Variants in RNF213 observed in about 807,000 individuals in gnomAD.
RNF213 encodes the protein ring finger protein 213.
In RNF213, 341 loss-of-function variants were observed where a neutral mutation model predicts 514.4. The ratio of observed to expected loss-of-function variants is 0.66; its 90% CI spans 0.61 to 0.73. RNF213 has a LOEUF of 0.73. RNF213 is among the 30% of genes least tolerant of loss of function. RNF213 has a pLI of 0.00. For missense variants in RNF213, 5,767 were observed against 6,615.6 expected, an observed-to-expected ratio of 0.87 and a Z score of 4.45; for synonymous variants, 2,655 against 2,658.2, an observed-to-expected ratio of 1.00 and a Z score of 0.04.
intron 2 of RNF213, among the ~76,000 whole-genome samples, chr17:80,270,533 T>G (rs1242100075): frequency 2.0e-5 from 3 of 152,210 alleles, no homozygotes; most frequent in African/African-American, 7.2e-5. Context: ...GAATGATGGA[T>G]CTTGTCAATC....
rs574558485 is a variant in RNF213 at position 80,384,956 on chromosome 17, C to T, written c.14323-83C>T. ...CAGATTAAGCTACAAATACAAGTCTCGCAGCCAGTCTCAAAGTCTGTAACC... is the reference window on the plus strand; with the variant it reads ...CAGATTAAGCTACAAATACAAGTCTTGCAGCCAGTCTCAAAGTCTGTAACC... On this transcript the variant is annotated intron_variant, in intron 59 of 67. Coordinates refer to ENST00000582970, the MANE Select transcript of RNF213 (RefSeq NM_001256071.3). The T allele has an allele frequency of 4.5e-5, 63 of 1,404,432 alleles. 1 individual carries two copies. In the South Asian group the frequency reaches 5.9e-4, roughly 13 times the overall value. 87.0% of individuals were successfully genotyped at this position (1,404,432 alleles called of 1,614,324 possible). A position where few individuals can be genotyped will look rare whatever the true frequency, so the allele number is the denominator to read the frequency against.
chr17:80,294,840 C>T lies in RNF213; in HGVS notation c.1592C>T (p.Ala531Val), dbSNP rs376343207. 3.6e-5 allele frequency: 58 copies of T among 1,614,104 alleles called. No homozygotes were observed. The highest frequency in any genetic ancestry group is 1.6e-4 in the Middle Eastern group (1 of 6,084). ...GTGAAGGGGAAGCAGATTGCCGCTGCGCTCATGCTGGACAGCACCTTCAGC... is the reference window on the plus strand; with the variant it reads ...GTGAAGGGGAAGCAGATTGCCGCTGTGCTCATGCTGGACAGCACCTTCAGC... Reference protein sequence around the residue: ...DLVKGKQIAAALMLDSTFSIL... With the variant: ...DLVKGKQIAAVLMLDSTFSIL... The change falls in exon 9 of 68, where the codon GCG becomes GTG. Residue 531 changes from alanine to valine, a missense_variant. By Grantham distance (64) the Ala-to-Val change is moderately conservative. This residue lies in a region of RNF213 where 592 missense variants were observed against 673.9 expected (regional missense o/e 0.88). Coordinates refer to ENST00000582970, the MANE Select transcript of RNF213 (RefSeq NM_001256071.3).
In RNF213 at chr17:80,260,894, G is replaced by T. The variant is rs2043389038; in HGVS notation, c.-117G>T. The T allele has an allele frequency of 6.6e-6, 1 of 151,202 alleles. No individual in the cohort carries two copies. Among genetic ancestry groups the T allele is most frequent in the African/African-American group, 2.4e-5 (1 of 41,230 alleles). The allele number at this position is 151,202 out of a possible 1,614,324, so 9.4% of individuals were successfully genotyped here. On this transcript the variant is annotated 5_prime_UTR_variant, in exon 1 of 68. Coordinates refer to ENST00000582970, the MANE Select transcript of RNF213 (RefSeq NM_001256071.3). ...AGCGCGCGGCAGGCGGCGAGCTCGG[G>T]GGCCGCAGGTGCGAGCGGGCCTGGA...
intron 11 of RNF213, 152 bp downstream of exon 11, chr17:80,298,670 A>G: frequency 1.2e-6 from 1 of 854,168 alleles, no homozygotes; most frequent in South Asian, 1.5e-5. Context: ...AGACATCAAA[A>G]CTGTCAAGAA....
Position 80,328,340 on chromosome 17 carries a change from T to A in RNF213, c.3380T>A (p.Leu1127His). 1 of 1,535,720 alleles carries A rather than the reference T, an allele frequency of 6.5e-7. No homozygotes were observed. The highest frequency in any genetic ancestry group is 8.7e-7 in the Non-Finnish European group (1 of 1,146,202). Residue 1127 changes from leucine (L) to histidine (H), a missense_variant, in exon 20 of 68, where the codon CTT becomes CAT. Coordinates refer to ENST00000582970, the MANE Select transcript of RNF213 (RefSeq NM_001256071.3). ...TCTTATTTTCCAGGGGAAAAAAGTC[T>A]TTCACCCCAGGATGAACAATGTGCT... ...LDIWQLREKS[L>H]SPQDEQCAVE...
At chr17:80,364,040 C>T (rs1011218465) in intron 41 of RNF213, among the ~76,000 whole-genome samples, 1 of 152,208 alleles carries the variant, frequency 6.6e-6, no homozygotes, top group Non-Finnish European at 1.5e-5. Flanking sequence ...GAAAGGCAGA[C>T]GGGCTATTGT....
At chr17:80,287,363 C>T (rs570283890) in intron 3 of RNF213, among the ~76,000 whole-genome samples, 15 of 152,286 alleles carry the variant, frequency 9.8e-5, no homozygotes, top group Admixed American at 3.3e-4. Flanking sequence ...ATTAGCTGGG[C>T]GTAGTGATGC....
chr17:80,358,291 C>A lies in RNF213; in HGVS notation c.10866C>A (p.His3622Gln), dbSNP rs373900457. 6.2e-7 allele frequency: 1 copy of A among 1,613,720 alleles called. No individual in the cohort carries two copies. The highest frequency in any genetic ancestry group is 8.5e-7 in the Non-Finnish European group (1 of 1,179,860). Reference sequence around the variant, plus strand: ...CCATCTCTCTTCTGTGCTGCAGGCACACCCTCTGGAAGCGGGTCCAAGGTG... The same window carrying A: ...CCATCTCTCTTCTGTGCTGCAGGCAAACCCTCTGGAAGCGGGTCCAAGGTG... ...DALQEAGTFR[H>Q]TLWKRVQGAV... is the part of the protein sequence containing the mutation. The change falls in exon 37 of 68, where the codon CAC (histidine) becomes CAA (glutamine). Residue 3622 changes from histidine to glutamine, a missense_variant. Coordinates refer to ENST00000582970, the MANE Select transcript of RNF213 (RefSeq NM_001256071.3).
Position 80,307,194 on chromosome 17 carries a change from C to T in RNF213, c.2494C>T (p.Arg832Trp), listed in dbSNP as rs780860454. ...GCTGTTGCGACTCCTGGACACTTAC[C>T]GGGACAAGTAAGTGGAAAGCACGAT... Reference protein sequence around the residue: ...EMLLRLLDTYRDKIPEEALSP... With the variant: ...EMLLRLLDTYWDKIPEEALSP... Residue 832 changes from arginine to tryptophan, a missense_variant, in exon 13 of 68, where the codon CGG becomes TGG. By Grantham distance (101) the Arg-to-Trp change is moderately radical. Transcript: ENST00000582970. 3.7e-5 allele frequency: 60 copies of T among 1,613,380 alleles called. No individual in the cohort carries two copies. The highest frequency in any genetic ancestry group is 6.7e-5 in the East Asian group (3 of 44,874).
intron 7 of RNF213, 112 bp downstream of exon 7, chr17:80,290,840 T>A: frequency 8.0e-7 from 1 of 1,244,440 alleles, no homozygotes; most frequent in African/African-American, 1.5e-5. Context: ...GACGGAGTCT[T>A]GCTGTGTCAC....
Position 80,367,779 on chromosome 17 carries a change from A to G in RNF213, c.11903A>G (p.His3968Arg). The G allele has an allele frequency of 6.2e-7, 1 of 1,614,204 alleles. No homozygotes were observed. The highest frequency in any genetic ancestry group is 8.5e-7 in the Non-Finnish European group (1 of 1,180,032). Residue 3968 changes from histidine (H) to arginine (R), a missense_variant, in exon 43 of 68, where the codon CAC becomes CGC. By Grantham distance (29) the His-to-Arg change is conservative. Transcript: ENST00000582970. ...CLRENSDVKTHGPFEAVMRTL... is the reference protein window; with the variant it reads ...CLRENSDVKTRGPFEAVMRTL... Reference sequence around the variant, plus strand: ...CGAGAGAACTCTGACGTGAAGACGCACGGGCCTTTTGAGGCCGTGATGCGC... The same window carrying G: ...CGAGAGAACTCTGACGTGAAGACGCGCGGGCCTTTTGAGGCCGTGATGCGC...
intron 17 of RNF213, among the ~76,000 whole-genome samples, chr17:80,323,678 C>T (rs2046203655): frequency 6.6e-6 from 1 of 152,106 alleles, no homozygotes; most frequent in African/African-American, 2.4e-5. Flanking sequence ...TGGTCTCGAA[C>T]TCCTGACCTC....
chr17:80,358,766 G>A (rs1185202194), intron 37 of RNF213, among the ~76,000 whole-genome samples: 1 of 152,124 alleles, frequency 6.6e-6, no homozygotes, highest in Non-Finnish European at 1.5e-5. Context: ...AAAATTAGCT[G>A]GGCGTGGTGG....
rs894730377 is a variant in RNF213 at position 80,317,806 on chromosome 17, G to A, written c.2901+529G>A. Among the ~76,000 whole-genome samples the A allele has an allele frequency of 1.3e-5, 2 of 152,184 alleles. No homozygotes were observed. Among genetic ancestry groups the A allele is most frequent in the African/African-American group, 4.8e-5 (2 of 41,446 alleles). On this transcript the variant is annotated intron_variant, in intron 16 of 67. Transcript: ENST00000582970. This position sits in a 1 kb window ranked among gnomAD's most constrained non-coding sequence, Gnocchi z 4.1. Reference sequence around the variant, plus strand: ...AGTGGGTCCCTTGCCTTGTTGCCTAGGGTGGCTGCCCTCTGCCAGGGCCAA... The same window carrying A: ...AGTGGGTCCCTTGCCTTGTTGCCTAAGGTGGCTGCCCTCTGCCAGGGCCAA...
At position 80,393,867 on chromosome 17, in the gene RNF213, C is replaced by T. The variant is rs188194559; in HGVS notation, c.*369C>T. ...CGTTCGCCTCTGGCACTGCCCACCCCTCTTTTTTTTTTTCTTCTAATTCTG... is the reference window on the plus strand; with the variant it reads ...CGTTCGCCTCTGGCACTGCCCACCCTTCTTTTTTTTTTTCTTCTAATTCTG... On this transcript the variant is annotated 3_prime_UTR_variant, in exon 68 of 68. Coordinates refer to ENST00000582970, the MANE Select transcript of RNF213 (RefSeq NM_001256071.3). 6.0e-5 allele frequency: 15 copies of T among 248,956 alleles called. No homozygotes were observed. The highest frequency in any genetic ancestry group is 2.0e-4 in the Admixed American group (4 of 19,682). The allele number at this position is 248,956 out of a possible 1,614,324, so 15.4% of individuals were successfully genotyped here. A position where few individuals can be genotyped will look rare whatever the true frequency, so the allele number is the denominator to read the frequency against.
Position 80,289,851 on chromosome 17 carries a change from C to A in RNF213, c.1112+14C>A. 1 of 1,601,384 alleles carries A rather than the reference C, an allele frequency of 6.2e-7. No individual in the cohort carries two copies. The highest frequency in any genetic ancestry group is 1.1e-5 in the South Asian group (1 of 89,556). ...AGTGAAGGCAAGGTAGGGATGCCCC[C>A]GCAGGGGAGCAAAGGAGACCCTGCC... On this transcript the variant is annotated intron_variant, in intron 6 of 67. Coordinates refer to ENST00000582970, the MANE Select transcript of RNF213 (RefSeq NM_001256071.3).
In RNF213 at chr17:80,374,515, T is replaced by TA; in HGVS notation, c.13001dup (p.Tyr4334Ter). 6.2e-7 allele frequency: 1 copy of TA among 1,614,182 alleles called. No homozygotes were observed. The change falls in exon 50 of 68, where the codon TAC (tyrosine) becomes TAAC (stop). Residue 4334 changes from tyrosine (Y) to a stop codon, truncating the protein, a stop_gained and frameshift_variant. Coordinates refer to ENST00000582970, the MANE Select transcript of RNF213 (RefSeq NM_001256071.3). LOFTEE classifies it high-confidence loss of function. ...TAGGTACCTGGTGTACGGCGATGAATACAAGGCTCTCCGTGATGCTGTGGC... is the reference window on the plus strand; with the variant it reads ...TAGGTACCTGGTGTACGGCGATGAATAACAAGGCTCTCCGTGATGCTGTGGC... ...MDRYLVYGDE[Y>*]KALRDAVAKA...
At chr17:80,276,226 A>G (rs1321336611) in intron 3 of RNF213, among the ~76,000 whole-genome samples, 1 of 151,562 alleles carries the variant, frequency 6.6e-6, no homozygotes, top group Non-Finnish European at 1.5e-5. Context: ...TCAGCCTCCC[A>G]GCTAGCTGGG....
intron 11 of RNF213, among the ~76,000 whole-genome samples, chr17:80,303,712 T>A (rs1227217363): frequency 6.6e-6 from 1 of 151,614 alleles, no homozygotes; most frequent in African/African-American, 2.4e-5. Context: ...TACAGGTGCA[T>A]GTCATCACAC....
Sources: allele counts gnomAD v4.1 joint callset (sites outside exome capture counted in the v4.1 genomes callset), GRCh38; gene constraint gnomAD v4.1.1; regional missense constraint gnomAD v4.1.1; non-coding constraint Gnocchi (gnomAD v3.1); transcripts MANE v1.5; gene names NCBI Gene and HGNC (gene_info 2026-07-23, HGNC 2026-07-21).